THSD4: variants seen among roughly 807,000 people sequenced by gnomAD.
THSD4 encodes thrombospondin type 1 domain containing 4, also known as thrombospondin type-1 domain-containing protein 4.
THSD4 carries 69 observed loss-of-function variants against 119.0 expected under a neutral mutation model. That is an observed-to-expected ratio of 0.58 (90% CI 0.48 to 0.71). The LOEUF is 0.71. THSD4 is among the 30% of genes least tolerant of loss of function. The pLI is 0.00. For missense variants in THSD4, 1,393 were observed against 1,391.1 expected (o/e 1.00, Z -0.02); for synonymous variants, 524 against 540.4 (o/e 0.97, Z 0.42).
intron 3 of THSD4, among the ~76,000 whole-genome samples, chr15:71,184,922 G>GT (rs1176860401): frequency 3.3e-5 from 5 of 151,414 alleles, no homozygotes; most frequent in East Asian, 3.9e-4. Context: ...AAACCCTTTG[G>GT]TTTTTTTTGG....
intron 6 of THSD4, among the ~76,000 whole-genome samples, chr15:71,410,869 T>TA (rs1200465164): frequency 6.7e-6 from 1 of 150,074 alleles, no homozygotes; most frequent in Non-Finnish European, 1.5e-5. Flanking sequence ...CTGTCACTAC[T>TA]AAAAAATACA....
rs4462549 is a variant in THSD4 at position 71,099,723 on chromosome 15, G to T, written c.-80+2717G>T. Among the ~76,000 whole-genome samples, 44 of 152,220 alleles carry T rather than the reference G, an allele frequency of 2.9e-4. 1 individual carries two copies. The highest frequency in any genetic ancestry group is 1.0e-3 in the African/African-American group (42 of 41,528). On this transcript the variant is annotated intron_variant, in intron 1 of 17. Coordinates refer to the THSD4 transcript ENST00000355327. Reference sequence around the variant, plus strand: ...CTCACACCTGCAACCCCAGCACTTTGGGAGGCCAAGGGGGGCAGATCGCTT... The same window carrying T: ...CTCACACCTGCAACCCCAGCACTTTTGGAGGCCAAGGGGGGCAGATCGCTT...
chr15:71,610,591 G>A (rs142670457), intron 7 of THSD4, among the ~76,000 whole-genome samples: 119 of 152,288 alleles, frequency 7.8e-4, no homozygotes, highest in African/African-American at 2.6e-3. Context: ...AGGGATACAG[G>A]CATCCTGGCT....
intron 7 of THSD4, among the ~76,000 whole-genome samples, chr15:71,537,750 AT>A (rs1286401919): frequency 6.6e-6 from 1 of 151,726 alleles, no homozygotes; most frequent in Non-Finnish European, 1.5e-5. Context: ...CTTTAAAAAA[AT>A]TTTTTTTTAT....
At chr15:71,682,916 T>TC (rs1275368661) in intron 8 of THSD4, among the ~76,000 whole-genome samples, 12,617 of 103,962 alleles carry the variant, frequency 0.12, 1,880 homozygotes, top group African/African-American at 0.23. Flanking sequence ...TTCTTCTTCT[T>TC]CTTCTTTTTT....
chr15:71,661,541 G>A (rs948491011), intron 8 of THSD4, among the ~76,000 whole-genome samples: 4 of 151,702 alleles, frequency 2.6e-5, no homozygotes, highest in African/African-American at 4.8e-5. Flanking sequence ...GACCACAGGC[G>A]TGCACCAACA....
intron 7 of THSD4, among the ~76,000 whole-genome samples, chr15:71,547,042 C>G (rs952659945): frequency 6.6e-6 from 1 of 152,200 alleles, no homozygotes; most frequent in Admixed American, 6.5e-5. Flanking sequence ...GGGGCTGTCC[C>G]CCTGCATGTG....
At chr15:71,341,491 C>T (rs759582757) in intron 6 of THSD4, 17 of 1,613,148 alleles carry the variant, frequency 1.1e-5, no homozygotes, top group Non-Finnish European at 1.4e-5. Flanking sequence ...AGCCCCACTG[C>T]TTGGCCTGCG....
chr15:71,467,631 ATCCT>A (rs3086691), intron 7 of THSD4, among the ~76,000 whole-genome samples: 8 of 152,188 alleles, frequency 5.3e-5, no homozygotes, highest in African/African-American at 1.9e-4. Context: ...GGGTCAGAAA[ATCCT>A]TCCTGGGTGT....
Position 71,748,481 on chromosome 15 carries a change from G to A in THSD4, c.2302G>A (p.Gly768Arg), listed in dbSNP as rs1330389035. 2 of 1,614,102 alleles carry A rather than the reference G, an allele frequency of 1.2e-6. No individual in the cohort carries two copies. The highest frequency in any genetic ancestry group is 1.3e-5 in the African/African-American group (1 of 74,936). The change falls in exon 14 of 18, where the codon GGG (glycine) becomes AGG (arginine). Residue 768 changes from glycine to arginine, a missense_variant. Gly to Arg is a moderately radical substitution (Grantham distance 125, BLOSUM62 -2). Transcript: ENST00000261862. The part of the protein sequence containing the change: ...TRDVKCVSNI[G>R]DVVDDEECNM... ...TGATGTGAAGTGTGTGAGCAACATT[G>A]GGGATGTGGTTGACGATGAGGAATG...
At chr15:71,530,500 GAC>G (rs2140811221) in intron 7 of THSD4, among the ~76,000 whole-genome samples, 1 of 152,256 alleles carries the variant, frequency 6.6e-6, no homozygotes, top group African/African-American at 2.4e-5. Flanking sequence ...GAGTTTTTAT[GAC>G]ACACTACTTA....
At chr15:71,439,849 AC>A (rs1329325030) in intron 7 of THSD4, among the ~76,000 whole-genome samples, 1 of 152,002 alleles carries the variant, frequency 6.6e-6, no homozygotes, top group East Asian at 1.9e-4. Context: ...AACATCACAT[AC>A]TGGGGCCTGT....
intron 17 of THSD4, among the ~76,000 whole-genome samples, chr15:71,773,228 A>G (rs1213136151): frequency 6.6e-6 from 1 of 151,278 alleles, no homozygotes; most frequent in African/African-American, 2.4e-5. Context: ...AAAAGAAAAA[A>G]GAAAAGAAAA....
At chr15:71,693,500 A>C (rs1229664843) in intron 8 of THSD4, among the ~76,000 whole-genome samples, 1 of 152,150 alleles carries the variant, frequency 6.6e-6, no homozygotes, top group Non-Finnish European at 1.5e-5. Flanking sequence ...TACAAAAATT[A>C]GCCAGGTGTT....
chr15:71,715,468 G>A (rs190417969), intron 8 of THSD4, among the ~76,000 whole-genome samples: 353 of 152,042 alleles, frequency 2.3e-3, no homozygotes, highest in African/African-American at 7.6e-3. Context: ...TTAATTACCC[G>A]AATTCCCAGC....
intron 7 of THSD4, among the ~76,000 whole-genome samples, chr15:71,528,861 G>A (rs1318535305): frequency 6.6e-6 from 1 of 152,184 alleles, no homozygotes; most frequent in African/African-American, 2.4e-5. Context: ...AGCTATCCAT[G>A]ATCAATTTAT....
At chr15:71,649,582 T>G (rs2051042579) in intron 7 of THSD4, among the ~76,000 whole-genome samples, 1 of 152,198 alleles carries the variant, frequency 6.6e-6, no homozygotes, top group South Asian at 2.1e-4. Flanking sequence ...GCCTGATAGC[T>G]TCTTTTGCTA....
intron 8 of THSD4, among the ~76,000 whole-genome samples, chr15:71,694,193 C>T (rs2052115369): frequency 6.6e-6 from 1 of 152,104 alleles, no homozygotes; most frequent in Non-Finnish European, 1.5e-5. Context: ...AATGGATTTC[C>T]ATCTATGTTC....
At chr15:71,438,833 A>G (rs559555145) in intron 7 of THSD4, among the ~76,000 whole-genome samples, 1 of 152,310 alleles carries the variant, frequency 6.6e-6, no homozygotes, top group South Asian at 2.1e-4. Flanking sequence ...TTCAAATGGA[A>G]ACCTTTCTTT....
Sources: allele counts gnomAD v4.1 joint callset (sites outside exome capture counted in the v4.1 genomes callset), GRCh38; gene constraint gnomAD v4.1.1; transcripts MANE v1.5; gene names NCBI Gene and HGNC (gene_info 2026-07-23, HGNC 2026-07-21).